The following MAU2 variants were observed in gnomAD, a reference collection of about 807,000 sequenced individuals.
MAU2 encodes the protein MAU2 chromatid cohesion factor homolog.
MAU2 carries 9 observed loss-of-function variants against 89.1 expected under a neutral mutation model. The ratio of observed to expected loss-of-function variants is 0.10; its 90% CI spans 0.06 to 0.18. MAU2 has a LOEUF of 0.18. Among genes scored for constraint, MAU2 ranks in the 10% least tolerant of loss-of-function variants. The pLI is 1.00. For synonymous variants in MAU2, 357 were observed against 343.4 expected, an observed-to-expected ratio of 1.04 and a Z score of -0.44; for missense variants, 425 against 803.5, an observed-to-expected ratio of 0.53 and a Z score of 5.69.
Position 19,345,500 on chromosome 19 carries a change from C to CAG in MAU2, c.1221+132_1221+133dup, listed in dbSNP as rs756324370. 5 of 841,656 alleles carry CAG rather than the reference C, an allele frequency of 5.9e-6. No homozygotes were observed. The highest frequency in any genetic ancestry group is 9.8e-6 in the Non-Finnish European group (5 of 510,436). The allele number at this position is 841,656 out of a possible 1,614,324, so 52.1% of individuals were successfully genotyped here. A position where few individuals can be genotyped will look rare whatever the true frequency, so the allele number is the denominator to read the frequency against. ...AAGCCGCAGCCCCAGAGGCAATGCACAGTAGTCAGCCCATGCCAGCCTTGG... is the reference window on the plus strand; with the variant it reads ...AAGCCGCAGCCCCAGAGGCAATGCACAGAGTAGTCAGCCCATGCCAGCCTTGG... On this transcript the variant is annotated intron_variant, in intron 12 of 18. Coordinates refer to ENST00000262815, the MANE Select transcript of MAU2 (RefSeq NM_015329.4). The surrounding 1 kb of genome is among the most constrained non-coding windows in gnomAD (Gnocchi z 4.9).
In MAU2 at chr19:19,356,158, ACT is replaced by A. The variant is rs2048176579; in HGVS notation, c.*380_*381del. On this transcript the variant is annotated 3_prime_UTR_variant, in exon 19 of 19. Transcript: ENST00000262815. ...CAGTGCCCCAGGGGCACCACGCCTG[ACT>A]CTCCATCACCCAGGCCTTGATGCCG... The A allele has an allele frequency of 2.3e-6, 1 of 429,924 alleles. No individual in the cohort carries two copies. Among genetic ancestry groups the A allele is most frequent in the Admixed American group, 2.6e-5 (1 of 38,094 alleles). The allele number at this position is 429,924 out of a possible 1,614,324, so 26.6% of individuals were successfully genotyped here.
Position 19,354,968 on chromosome 19 carries a change from G to C in MAU2, c.1640-296G>C, listed in dbSNP as rs144205410. The stretch of plus-strand genomic sequence containing the variant: ...TGCTGCCTCAGGATGGGCATTGGGC[G>C]TCCTGCCCCAATGAGCGCCTGTTTG... On this transcript the variant is annotated intron_variant, in intron 17 of 18. Coordinates refer to ENST00000262815, the MANE Select transcript of MAU2 (RefSeq NM_015329.4). Among the ~76,000 whole-genome samples the C allele has an allele frequency of 2.2e-3, 336 of 152,300 alleles. 2 individuals are homozygous for C. Among genetic ancestry groups the C allele is most frequent in the South Asian group, 7.9e-3 (38 of 4,832 alleles).
In MAU2 at chr19:19,349,230, C is replaced by G. The variant is rs758074270; in HGVS notation, c.1434C>G (p.Ala478=). 6.2e-7 allele frequency: 1 copy of G among 1,614,180 alleles called. No homozygotes were observed. Among genetic ancestry groups the G allele is most frequent in the Non-Finnish European group, 8.5e-7 (1 of 1,180,036 alleles). The change falls in exon 15 of 19, where the codon GCC becomes GCG. Residue 478 remains alanine, a splice_region_variant and synonymous_variant. Transcript: ENST00000262815. Reference sequence around the variant, plus strand: ...TCTTCCAGGGACGCTACAACGAGGCCAAGTAAGTGTGGGGCAGAGGGTGGC... The same window carrying G: ...TCTTCCAGGGACGCTACAACGAGGCGAAGTAAGTGTGGGGCAGAGGGTGGC... ...FSFFQGRYNE[A]KRFLRETLKM...
intron 18 of MAU2, 117 bp from the exon 19 acceptor site, chr19:19,355,591 G>T: frequency 8.3e-7 from 1 of 1,206,090 alleles, no homozygotes; most frequent in Non-Finnish European, 1.2e-6. Context: ...CATTGGACTG[G>T]GGCATGGAGA....
rs539934231 is a variant in MAU2, at chr19:19,345,230, G to A, written c.1156-74G>A. The stretch of plus-strand genomic sequence containing the variant: ...CCTCCAGGGCAGCCGTGCAGGCCCC[G>A]GGCACACCACGTGTCTCTGATCTGA... On this transcript the variant is annotated intron_variant, in intron 11 of 18. Transcript: ENST00000262815. The surrounding 1 kb of genome is among the most constrained non-coding windows in gnomAD (Gnocchi z 4.9). The A allele has an allele frequency of 1.8e-5, 24 of 1,365,872 alleles. No individual in the cohort carries two copies. Among genetic ancestry groups the A allele is most frequent in the Middle Eastern group, 1.8e-4 (1 of 5,578 alleles). 84.6% of individuals were successfully genotyped at this position (1,365,872 alleles called of 1,614,324 possible). A position where few individuals can be genotyped will look rare whatever the true frequency, so the allele number is the denominator to read the frequency against.
intron 1 of MAU2, among the ~76,000 whole-genome samples, chr19:19,331,689 C>T (rs1164989026): frequency 6.6e-6 from 1 of 151,848 alleles, no homozygotes; most frequent in East Asian, 1.9e-4. Flanking sequence ...ATCACCTGAG[C>T]CCAGGAGTTC....
chr19:19,334,477 C>G, intron 1 of MAU2: 3 of 986,054 alleles, frequency 3.0e-6, no homozygotes, highest in Non-Finnish European at 3.6e-6. Context: ...CACCCTTGCC[C>G]TAGAGATCTC....
chr19:19,353,272 C>T (rs1312481815), intron 16 of MAU2: 1 of 152,252 alleles, frequency 6.6e-6, no homozygotes, highest in Non-Finnish European at 1.5e-5. Context: ...GAGGACTCTC[C>T]TTCCCCAGGC....
rs1273604764 is a variant in MAU2 at position 19,354,340 on chromosome 19, G to T, written c.1549-15G>T. 8.1e-6 allele frequency: 13 copies of T among 1,610,006 alleles called. No homozygotes were observed. Among genetic ancestry groups the T allele is most frequent in the Non-Finnish European group, 1.1e-5 (13 of 1,176,386 alleles). On this transcript the variant is annotated splice_polypyrimidine_tract_variant and intron_variant, in intron 16 of 18. Transcript: ENST00000262815. ...TCCAGGCTCCTCACTCCCCCTTGCT[G>T]CTCTTGGTTGACAGGAGAGTAACAA...
chr19:19,334,591 C>G (rs2061581555), intron 1 of MAU2: 3 of 985,464 alleles, frequency 3.0e-6, no homozygotes, highest in Non-Finnish European at 2.4e-6. Context: ...CTGAAAACTC[C>G]CATCTGGGCA....
At chr19:19,335,818 T>A in intron 2 of MAU2, 83 bp downstream of exon 2, 1 of 1,487,572 alleles carries the variant, frequency 6.7e-7, no homozygotes, top group Non-Finnish European at 9.4e-7. Context: ...GAATCCCACC[T>A]CCCGACATGC....
intron 1 of MAU2, among the ~76,000 whole-genome samples, chr19:19,323,507 T>G (rs2061481131): frequency 6.6e-6 from 1 of 152,066 alleles, no homozygotes; most frequent in Admixed American, 6.6e-5. Flanking sequence ...TTTATTTATT[T>G]ATTTATTTAT....
chr19:19,341,178 G>C, intron 6 of MAU2, 74 bp from the exon 7 acceptor site: 1 of 1,524,748 alleles, frequency 6.6e-7, no homozygotes, highest in Non-Finnish European at 8.8e-7. Context: ...AGGTGGGCAG[G>C]TGACCCTGTG....
At chr19:19,347,176 G>T (rs574614872) in intron 12 of MAU2, 104 bp from the exon 13 acceptor site, 14 of 740,066 alleles carry the variant, frequency 1.9e-5, no homozygotes, top group South Asian at 1.7e-4. Context: ...AAAAGAACAA[G>T]TCTTTTCCAA....
intron 1 of MAU2, among the ~76,000 whole-genome samples, chr19:19,333,090 GAA>G (rs769743710): frequency 2.7e-4 from 41 of 150,000 alleles, no homozygotes; most frequent in Admixed American, 1.2e-3. Context: ...AAAAAAAAAA[GAA>G]GAGATGTCCA....
intron 7 of MAU2, 128 bp downstream of exon 7, chr19:19,341,535 A>G (rs1277401190): frequency 3.5e-6 from 4 of 1,147,156 alleles, no homozygotes; most frequent in Non-Finnish European, 3.7e-6. Context: ...CAGGGCTGTC[A>G]TACCAGTCCC....
At position 19,325,173 on chromosome 19, in the gene MAU2, TTTTA is replaced by T. The variant is rs1376770665; in HGVS notation, c.276+4050_276+4053del. Among the ~76,000 whole-genome samples the T allele has an allele frequency of 2.6e-5, 4 of 152,218 alleles. No homozygotes were observed. In the South Asian group the frequency reaches 6.2e-4, roughly 24 times the overall value. On this transcript the variant is annotated intron_variant, in intron 1 of 18. Transcript: ENST00000262815. ...CTTTTTATTTTTATTGTTACTTTTATTTTATTTATTTATTTTTTGAGATGTAGTC... is the reference window on the plus strand; with the variant it reads ...CTTTTTATTTTTATTGTTACTTTTATTTTATTTATTTTTTGAGATGTAGTC...
intron 1 of MAU2, chr19:19,329,078 T>C (rs1399774751): frequency 2.2e-6 from 1 of 456,072 alleles, no homozygotes; most frequent in South Asian, 1.5e-5. Context: ...ATGGTTCACT[T>C]TCTCAGCAAG....
chr19:19,330,797 A>G (rs1472575061), intron 1 of MAU2, among the ~76,000 whole-genome samples: 1 of 152,176 alleles, frequency 6.6e-6, no homozygotes, highest in Non-Finnish European at 1.5e-5. Context: ...GCTACTTGGG[A>G]GACCGAGCCA....
Sources: gnomAD v4.1 joint callset for allele counts (sites outside exome capture counted in the v4.1 genomes callset) on GRCh38, gnomAD v4.1.1 for gene constraint, Gnocchi (gnomAD v3.1) non-coding constraint, MANE v1.5 for transcripts, NCBI Gene and HGNC (gene_info 2026-07-23, HGNC 2026-07-21) for gene names.